Variants in EPHA3 observed in about 807,000 individuals in gnomAD.
EPHA3 encodes the protein EPH receptor A3, also known as ephrin type-A receptor 3.
A neutral mutation model predicts 107.1 loss-of-function variants in EPHA3; 42 were observed. The ratio of observed to expected loss-of-function variants is 0.39; its 90% CI spans 0.31 to 0.51. The LOEUF (loss-of-function observed/expected upper bound fraction) is 0.51, where lower values mean the gene tolerates loss of function less well. Among genes scored for constraint, EPHA3 ranks in the 20% least tolerant of loss-of-function variants. EPHA3 has a pLI of 0.78. For synonymous variants in EPHA3, 461 were observed against 424.8 expected (o/e 1.09, Z -1.05); for missense variants, 1,183 against 1,211.2 (o/e 0.98, Z 0.35).
chr3:89,352,516 G>A (rs528171143), intron 5 of EPHA3, among the ~76,000 whole-genome samples: 32 of 150,848 alleles, frequency 2.1e-4, no homozygotes, highest in African/African-American at 6.8e-4. Context: ...GTATCCATTC[G>A]TTAAGAAAAG....
intron 5 of EPHA3, among the ~76,000 whole-genome samples, chr3:89,359,768 C>CATATATAT: frequency 9.6e-6 from 1 of 104,032 alleles, no homozygotes; most frequent in African/African-American, 4.1e-5. Flanking sequence ...CACATATATA[C>CATATATAT]ACACATATAT....
chr3:89,280,843 A>T (rs969066571), intron 3 of EPHA3, among the ~76,000 whole-genome samples: 4 of 152,096 alleles, frequency 2.6e-5, no homozygotes, highest in Non-Finnish European at 5.9e-5. Flanking sequence ...GAAACAAATT[A>T]TTGTAAAACA....
chr3:89,318,282 ACT>A (rs1246497075), intron 3 of EPHA3, among the ~76,000 whole-genome samples: 5 of 151,876 alleles, frequency 3.3e-5, no homozygotes, highest in African/African-American at 1.2e-4. Flanking sequence ...AAGAAAACTT[ACT>A]GTCTTTTTCC....
chr3:89,441,190 G>A (rs1576379807), intron 13 of EPHA3, among the ~76,000 whole-genome samples: 1 of 152,170 alleles, frequency 6.6e-6, no homozygotes, highest in Non-Finnish European at 1.5e-5. Flanking sequence ...TGGAGCAAAT[G>A]ACTAAACTTA....
intron 3 of EPHA3, among the ~76,000 whole-genome samples, chr3:89,213,327 C>T (rs1160564119): frequency 2.0e-5 from 3 of 151,992 alleles, no homozygotes; most frequent in South Asian, 4.2e-4. Flanking sequence ...AAGTAGATAC[C>T]TATAGGATGT....
At chr3:89,206,486 G>A (rs1706108177) in intron 2 of EPHA3, among the ~76,000 whole-genome samples, 1 of 152,092 alleles carries the variant, frequency 6.6e-6, no homozygotes, top group Admixed American at 6.5e-5. Context: ...ATATTGTCAT[G>A]ATCGAACTTT....
chr3:89,175,249 G>T (rs1705295584), intron 2 of EPHA3, among the ~76,000 whole-genome samples: 2 of 151,910 alleles, frequency 1.3e-5, no homozygotes, highest in Non-Finnish European at 2.9e-5. Context: ...TTTACAGTGT[G>T]GTAAAACCGA....
chr3:89,197,410 TAAAA>T (rs11317118), intron 2 of EPHA3, among the ~76,000 whole-genome samples: 1 of 150,768 alleles, frequency 6.6e-6, no homozygotes, highest in South Asian at 2.1e-4. Flanking sequence ...AATAAAAACA[TAAAA>T]AAAAACATAA....
chr3:89,218,914 C>T (rs754822050), intron 3 of EPHA3, among the ~76,000 whole-genome samples: 19 of 152,228 alleles, frequency 1.2e-4, no homozygotes, highest in African/African-American at 2.2e-4. Flanking sequence ...TTGTGGAAGT[C>T]GGTGTGGCGA....
chr3:89,396,890 T>A (rs1708860894), intron 6 of EPHA3, among the ~76,000 whole-genome samples: 1 of 152,202 alleles, frequency 6.6e-6, no homozygotes. Flanking sequence ...TAAGTTGTTT[T>A]AGAAATAAGA....
At chr3:89,359,646 T>C (rs1708043520) in intron 5 of EPHA3, among the ~76,000 whole-genome samples, 1 of 149,374 alleles carries the variant, frequency 6.7e-6, no homozygotes, top group Admixed American at 6.8e-5. Flanking sequence ...CCATTTCTTC[T>C]TTAGATGAAC....
chr3:89,420,348 G>A (rs749290877), intron 11 of EPHA3, among the ~76,000 whole-genome samples: 11 of 151,222 alleles, frequency 7.3e-5, no homozygotes, highest in Non-Finnish European at 1.5e-4. Context: ...TCTCACTTTA[G>A]CATGACTAAA....
At chr3:89,253,474 A>C (rs1211529248) in intron 3 of EPHA3, among the ~76,000 whole-genome samples, 1 of 152,272 alleles carries the variant, frequency 6.6e-6, no homozygotes, top group East Asian at 1.9e-4. Context: ...TAAGCATTAG[A>C]GCACTTCTCT....
intron 2 of EPHA3, among the ~76,000 whole-genome samples, chr3:89,130,315 T>G (rs1202578645): frequency 6.6e-6 from 1 of 152,200 alleles, no homozygotes; most frequent in Non-Finnish European, 1.5e-5. Context: ...CTAAGGAGAT[T>G]TGGGAGACTG....
intron 3 of EPHA3, among the ~76,000 whole-genome samples, chr3:89,284,744 C>A (rs1447718032): frequency 2.0e-5 from 3 of 152,164 alleles, no homozygotes; most frequent in African/African-American, 7.2e-5. Flanking sequence ...TCCTCTCCTT[C>A]CTTCTCAGAA....
At chr3:89,337,807 G>A (rs536345292) in intron 3 of EPHA3, among the ~76,000 whole-genome samples, 8 of 152,220 alleles carry the variant, frequency 5.3e-5, no homozygotes, top group Admixed American at 1.3e-4. Context: ...CAGGTATGCC[G>A]TCTGCTACAA....
At chr3:89,471,999 G>A (rs968625843) in intron 15 of EPHA3, among the ~76,000 whole-genome samples, 28 of 151,934 alleles carry the variant, frequency 1.8e-4, no homozygotes. Context: ...GATTGTTCAA[G>A]CCATTCTTTA....
intron 2 of EPHA3, among the ~76,000 whole-genome samples, chr3:89,145,283 A>ACG (rs1704517062): frequency 6.6e-6 from 1 of 151,052 alleles, no homozygotes; most frequent in African/African-American, 2.4e-5. Context: ...ACAAACAGAC[A>ACG]CACACACACA....
intron 2 of EPHA3, among the ~76,000 whole-genome samples, chr3:89,143,184 G>A (rs1242282973): frequency 6.6e-6 from 1 of 151,350 alleles, no homozygotes. Flanking sequence ...TGTTTTTAAT[G>A]AGACTAGATT....
Sources: allele counts gnomAD v4.1 joint callset (sites outside exome capture counted in the v4.1 genomes callset), GRCh38; gene constraint gnomAD v4.1.1; transcripts MANE v1.5; gene names NCBI Gene and HGNC (gene_info 2026-07-23, HGNC 2026-07-21).